Variants in GABRB3 observed in about 807,000 individuals in gnomAD.
GABRB3 encodes gamma-aminobutyric acid receptor subunit beta-3.
A neutral mutation model predicts 52.1 loss-of-function variants in GABRB3; 14 were observed. That is an observed-to-expected ratio of 0.27 (90% CI 0.18 to 0.42). GABRB3 has a LOEUF of 0.42. GABRB3 is among the 10% of genes least tolerant of loss of function. GABRB3 has a pLI of 1.00. For synonymous variants in GABRB3, 260 were observed against 232.3 expected (o/e 1.12, Z -1.08); for missense variants, 307 against 609.1 (o/e 0.50, Z 5.22).
intron 4 of GABRB3, among the ~76,000 whole-genome samples, chr15:26,596,216 A>C (rs1219251273): frequency 1.3e-5 from 2 of 152,172 alleles, no homozygotes; most frequent in African/African-American, 4.8e-5. Context: ...TTATGATATA[A>C]AGTCAAAGCC....
intron 3 of GABRB3, among the ~76,000 whole-genome samples, chr15:26,665,003 G>T (rs1262684053): frequency 1.3e-5 from 2 of 151,732 alleles, no homozygotes; most frequent in African/African-American, 4.8e-5. Flanking sequence ...TCATTTCTTT[G>T]GGTTAAGAAC....
intron 4 of GABRB3, among the ~76,000 whole-genome samples, chr15:26,599,095 C>T (rs12912641): frequency 0.32 from 49,131 of 152,042 alleles, 9,432 homozygotes; most frequent in Middle Eastern, 0.47. Flanking sequence ...AAAAAGCCTG[C>T]GCAATGACCT....
intron 4 of GABRB3, among the ~76,000 whole-genome samples, chr15:26,595,295 C>T (rs1252524589): frequency 6.6e-6 from 1 of 152,130 alleles, no homozygotes; most frequent in Non-Finnish European, 1.5e-5. Flanking sequence ...CAGTTTAGAA[C>T]ATCTGTACAC....
intron 3 of GABRB3, among the ~76,000 whole-genome samples, chr15:26,627,377 A>ATTATTTTTTTTTTTTTTTT (rs376555312): frequency 1.4e-5 from 1 of 72,128 alleles, no homozygotes; most frequent in Non-Finnish European, 4.3e-5. Flanking sequence ...AAGTTTTATT[A>ATTATTTTTTTTTTTTTTTT]TTTAAGAAAT....
intron 3 of GABRB3, among the ~76,000 whole-genome samples, chr15:26,683,317 C>T (rs139626919): frequency 2.7e-5 from 4 of 148,472 alleles, no homozygotes; most frequent in Non-Finnish European, 4.4e-5. Flanking sequence ...ATCTGAGGGT[C>T]GATTTTAATT....
At chr15:26,673,678 A>C (rs1203159244) in intron 3 of GABRB3, among the ~76,000 whole-genome samples, 1 of 152,252 alleles carries the variant, frequency 6.6e-6, no homozygotes, top group Non-Finnish European at 1.5e-5. Flanking sequence ...AACTACGTGC[A>C]TCACAAGACA....
chr15:26,709,511 C>CTTTCT (rs1555378154), intron 3 of GABRB3, among the ~76,000 whole-genome samples: 1 of 112,494 alleles, frequency 8.9e-6, no homozygotes, highest in Non-Finnish European at 1.9e-5. Flanking sequence ...TCTTTTTTTT[C>CTTTCT]TTTCTTTTTT....
chr15:26,732,953 G>A (rs1889972016), intron 3 of GABRB3, among the ~76,000 whole-genome samples: 1 of 151,510 alleles, frequency 6.6e-6, no homozygotes, highest in Admixed American at 6.6e-5. Flanking sequence ...AGCTATGATT[G>A]TGCCACTGCA....
At chr15:26,720,007 TA>T (rs936970045) in intron 3 of GABRB3, among the ~76,000 whole-genome samples, 43 of 152,314 alleles carry the variant, frequency 2.8e-4, no homozygotes, top group African/African-American at 8.7e-4. Flanking sequence ...ATTCCTGCCT[TA>T]ACTGATGACA....
chr15:26,644,841 TC>T (rs1893306950), intron 3 of GABRB3, among the ~76,000 whole-genome samples: 1 of 152,114 alleles, frequency 6.6e-6, no homozygotes, highest in East Asian at 1.9e-4. Flanking sequence ...TGAGAACAGT[TC>T]CACTCAGGGA....
chr15:26,753,858 A>G (rs529212749), intron 3 of GABRB3, among the ~76,000 whole-genome samples: 1 of 152,240 alleles, frequency 6.6e-6, no homozygotes, highest in East Asian at 1.9e-4. Context: ...CTACAGGTAA[A>G]CCAATGCTGT....
At chr15:26,583,540 T>G (rs1890863464) in intron 4 of GABRB3, 126 bp from the exon 5 acceptor site, 2 of 730,556 alleles carry the variant, frequency 2.7e-6, no homozygotes, top group African/African-American at 3.5e-5. Context: ...CTAAACATCA[T>G]TCACTATATA....
intron 3 of GABRB3, among the ~76,000 whole-genome samples, chr15:26,745,195 C>G (rs1357673127): frequency 6.6e-6 from 1 of 152,194 alleles, no homozygotes. Flanking sequence ...CAAACGCCTC[C>G]CACCAGGCCC....
rs1354750910 is a variant in GABRB3 at position 26,629,096 on chromosome 15, T to G, written c.241-7562A>C. 4 of 1,535,458 alleles carry G rather than the reference T, an allele frequency of 2.6e-6. No individual in the cohort carries two copies. The African/African-American group carries it at 5.5e-5, about 21-fold the overall frequency. ...GCTAACCGGAAGTTGTGACTGTCGCTTCCTCTCCATCTCTGCTCTTTACAG... is the reference window on the plus strand; with the variant it reads ...GCTAACCGGAAGTTGTGACTGTCGCGTCCTCTCCATCTCTGCTCTTTACAG... On this transcript the variant is annotated intron_variant, in intron 3 of 8. Transcript: ENST00000311550.
chr15:26,619,246 T>C (rs538621455), intron 4 of GABRB3, among the ~76,000 whole-genome samples: 5,328 of 151,652 alleles, frequency 0.035, 131 homozygotes, highest in Middle Eastern at 0.082. Flanking sequence ...CTATTCACAA[T>C]AGCAAAGACT....
intron 3 of GABRB3, among the ~76,000 whole-genome samples, chr15:26,733,986 G>C (rs905812779): frequency 6.7e-6 from 1 of 148,284 alleles, no homozygotes; most frequent in Admixed American, 6.7e-5. Context: ...ACTCAAAATA[G>C]GTAAAAAACC....
chr15:26,703,445 A>G (rs533416595), intron 3 of GABRB3, among the ~76,000 whole-genome samples: 2 of 152,316 alleles, frequency 1.3e-5, no homozygotes, highest in East Asian at 1.9e-4. Flanking sequence ...GGACTCATTC[A>G]AACCACAACA....
chr15:26,547,192 T>C lies in GABRB3; in HGVS notation c.*601A>G, dbSNP rs1289512544. The C allele has an allele frequency of 1.8e-5, 4 of 225,620 alleles. No individual in the cohort carries two copies. Among genetic ancestry groups the C allele is most frequent in the Non-Finnish European group, 2.6e-5 (3 of 116,778 alleles). 14.0% of individuals were successfully genotyped at this position (225,620 alleles called of 1,614,324 possible). On this transcript the variant is annotated 3_prime_UTR_variant, in exon 9 of 9. Coordinates refer to ENST00000311550, the MANE Select transcript of GABRB3 (RefSeq NM_000814.6). Reference sequence around the variant, plus strand: ...GTGGCTCACCCCAGCCACTAAACCATTGCAGAAAACGTATGCCCGATGAAA... The same window carrying C: ...GTGGCTCACCCCAGCCACTAAACCACTGCAGAAAACGTATGCCCGATGAAA...
chr15:26,709,217 G>A (rs1172029886), intron 3 of GABRB3, among the ~76,000 whole-genome samples: 1 of 152,180 alleles, frequency 6.6e-6, no homozygotes, highest in East Asian at 1.9e-4. Flanking sequence ...GATTCCCAAC[G>A]TTGGAGGTGG....
Sources: allele counts gnomAD v4.1 joint callset (sites outside exome capture counted in the v4.1 genomes callset), GRCh38; gene constraint gnomAD v4.1.1; transcripts MANE v1.5; gene names NCBI Gene and HGNC (gene_info 2026-07-23, HGNC 2026-07-21).